Variants in NEMF observed in about 807,000 individuals in gnomAD.
NEMF encodes ribosome quality control complex subunit NEMF.
Under a neutral mutation model 162.2 loss-of-function variants are expected in NEMF, and 89 were observed. That is an observed-to-expected ratio of 0.55 (90% CI 0.46 to 0.65). NEMF has a LOEUF of 0.65. NEMF is among the 30% of genes least tolerant of loss of function. The pLI is 0.00. For synonymous variants in NEMF, 421 were observed against 404.5 expected (o/e 1.04, Z -0.49); for missense variants, 1,133 against 1,261.9 (o/e 0.90, Z 1.55).
At chr14:49,842,669 C>T (rs1321341155) in intron 4 of NEMF, among the ~76,000 whole-genome samples, 4 of 152,242 alleles carry the variant, frequency 2.6e-5, no homozygotes, top group Admixed American at 2.6e-4. Flanking sequence ...CCACCATTTA[C>T]GTTGGTTAGA....
At chr14:49,814,631 C>A in intron 17 of NEMF, 123 bp downstream of exon 17, 1 of 574,038 alleles carries the variant, frequency 1.7e-6, no homozygotes, top group Non-Finnish European at 3.0e-6. Flanking sequence ...CATCATGCAT[C>A]AAATCTTTCT....
chr14:49,789,093 C>T (rs1187329837), intron 28 of NEMF, 53 bp downstream of exon 28: 6 of 1,462,472 alleles, frequency 4.1e-6, no homozygotes, highest in Non-Finnish European at 5.7e-6. Flanking sequence ...CTGGGAACTC[C>T]AGGATGGGTA....
chr14:49,834,095 T>G, intron 7 of NEMF: 1 of 547,182 alleles, frequency 1.8e-6, no homozygotes. Context: ...TACTTGTTTT[T>G]GTGGGGTTTT....
In NEMF at chr14:49,829,070, C is replaced by T. The variant is rs780748874; in HGVS notation, c.1216G>A (p.Val406Ile). 3 of 1,613,956 alleles carry T rather than the reference C, an allele frequency of 1.9e-6. No homozygotes were observed. The highest frequency in any genetic ancestry group is 2.7e-5 in the African/African-American group (2 of 75,014). The change falls in exon 13 of 33, where the codon GTT becomes ATT. Residue 406 changes from valine to isoleucine, a missense_variant. Around this residue, in one of 3 missense-constraint regions of NEMF, gnomAD observed 582 missense variants for 631.5 expected, o/e 0.92. Transcript: ENST00000298310. ...IKELKLQTNHVTMLLRNPYLL... is the reference protein window; with the variant it reads ...IKELKLQTNHITMLLRNPYLL... ...CAAACTTACCTTAGCAGCATTGTAA[C>T]ATGGTTTGTTTGTAGTTTTAATTCT...
At chr14:49,802,776 T>C (rs561887479) in intron 20 of NEMF, 49 bp from the exon 21 acceptor site, 1 of 1,470,700 alleles carries the variant, frequency 6.8e-7, no homozygotes. Context: ...TCTTCTCCAT[T>C]TTTTGCTTGT....
intron 6 of NEMF, among the ~76,000 whole-genome samples, chr14:49,837,894 T>TA (rs1892987416): frequency 6.6e-6 from 1 of 151,854 alleles, no homozygotes; most frequent in South Asian, 2.1e-4. Flanking sequence ...AAAATCTGAT[T>TA]TCTTAGAATA....
chr14:49,844,731 G>GCACA (rs1393382473), intron 4 of NEMF: 6 of 70,670 alleles, frequency 8.5e-5, no homozygotes, highest in African/African-American at 4.5e-4. Context: ...GCACGCGCAC[G>GCACA]CGCGCGCACA....
intron 4 of NEMF, chr14:49,844,748 C>CACACAG: frequency 2.2e-5 from 5 of 225,578 alleles, no homozygotes; most frequent in South Asian, 1.7e-4. Context: ...CACACACACA[C>CACACAG]ACACACACAC....
intron 11 of NEMF, among the ~76,000 whole-genome samples, chr14:49,830,865 A>G (rs934382737): frequency 6.6e-6 from 1 of 152,252 alleles, no homozygotes; most frequent in Non-Finnish European, 1.5e-5. Flanking sequence ...GTCATGATAC[A>G]CAGAAAACAT....
At chr14:49,842,066 T>C (rs527498767) in intron 4 of NEMF, among the ~76,000 whole-genome samples, 84 of 151,478 alleles carry the variant, frequency 5.5e-4, no homozygotes, top group African/African-American at 1.7e-3. Flanking sequence ...GATCACGCCA[T>C]TGCACTCCAG....
At chr14:49,817,527 G>A (rs948335761) in intron 16 of NEMF, among the ~76,000 whole-genome samples, 7 of 151,882 alleles carry the variant, frequency 4.6e-5, no homozygotes, top group African/African-American at 1.7e-4. Context: ...GACAAACAAG[G>A]AAAAAATAGT....
intron 6 of NEMF, among the ~76,000 whole-genome samples, chr14:49,836,238 C>T (rs541763821): frequency 6.6e-6 from 1 of 152,268 alleles, no homozygotes; most frequent in East Asian, 1.9e-4. Flanking sequence ...GAGATCATGC[C>T]ACTGCACTCC....
chr14:49,825,340 A>C (rs1414116693), intron 16 of NEMF, among the ~76,000 whole-genome samples: 2 of 152,234 alleles, frequency 1.3e-5, no homozygotes, highest in African/African-American at 4.8e-5. Flanking sequence ...AAGAAGTAGC[A>C]ATATAAACAT....
intron 29 of NEMF, chr14:49,785,651 G>C (rs141885737): frequency 6.5e-4 from 157 of 240,290 alleles, no homozygotes; most frequent in African/African-American, 3.3e-3. Flanking sequence ...GAAGGCTCAG[G>C]CTGAGGCGGG....
At chr14:49,829,806 G>C (rs1019357757) in intron 11 of NEMF, among the ~76,000 whole-genome samples, 1 of 152,008 alleles carries the variant, frequency 6.6e-6, no homozygotes, top group African/African-American at 2.4e-5. Flanking sequence ...ACCGGGTCCC[G>C]CTATGTTGCC....
rs572467306 is a variant in NEMF, at chr14:49,810,225, G to A, written c.1744+3763C>T. Among the ~76,000 whole-genome samples, 533 of 151,766 alleles carry A rather than the reference G, an allele frequency of 3.5e-3. 3 individuals carry two copies. Among genetic ancestry groups the A allele is most frequent in the African/African-American group, 0.012 (502 of 41,366 alleles). ...CTACTAAAAATACAAAAAATTAGCC[G>A]GGCGTGGTGGAGGGCGCCTGTAGTC... On this transcript the variant is annotated intron_variant, in intron 18 of 32. Transcript: ENST00000298310.
At chr14:49,838,282 C>A in intron 5 of NEMF, 76 bp from the exon 6 acceptor site, 1 of 1,156,640 alleles carries the variant, frequency 8.6e-7, no homozygotes, top group South Asian at 1.2e-5. Context: ...ATACTACTTT[C>A]ATCTGTATCA....
chr14:49,783,041 A>ATTGT lies in NEMF; in HGVS notation c.*1591_*1594dup. Reference sequence around the variant, plus strand: ...TGGCATCATTTGTATAATTATATGCATTGTTGTAGTTTGCACCTGTTGGTT... The same window carrying ATTGT: ...TGGCATCATTTGTATAATTATATGCATTGTTTGTTGTAGTTTGCACCTGTTGGTT... On this transcript the variant is annotated 3_prime_UTR_variant, in exon 33 of 33. Transcript: ENST00000298310. 7.1e-7 allele frequency: 1 copy of ATTGT among 1,401,934 alleles called. No individual in the cohort carries two copies. The highest frequency in any genetic ancestry group is 2.1e-5 in the Admixed American group (1 of 47,314). 86.8% of individuals were successfully genotyped at this position (1,401,934 alleles called of 1,614,324 possible).
At chr14:49,819,944 T>G (rs1342232372) in intron 16 of NEMF, among the ~76,000 whole-genome samples, 3 of 151,844 alleles carry the variant, frequency 2.0e-5, no homozygotes, top group Non-Finnish European at 4.4e-5. Context: ...GCCACCCATT[T>G]TTTTTTTTTG....
Sources: gnomAD v4.1 joint callset for allele counts (sites outside exome capture counted in the v4.1 genomes callset) on GRCh38, gnomAD v4.1.1 for gene constraint, gnomAD v4.1.1 regional missense constraint, MANE v1.5 for transcripts, NCBI Gene and HGNC (gene_info 2026-07-23, HGNC 2026-07-21) for gene names.